AGBL4: variants seen among roughly 807,000 people sequenced by gnomAD.
AGBL4 encodes the protein cytosolic carboxypeptidase 6.
AGBL4 carries 58 observed loss-of-function variants against 66.4 expected under a neutral mutation model. The observed-to-expected ratio is 0.87, with a 90% confidence interval of 0.71 to 1.09. The LOEUF is 1.09. Ranked by LOEUF, AGBL4 falls within the 50% of genes least tolerant of loss-of-function variation. The probability of loss-of-function intolerance (pLI) is 0.00; values close to 1 mark genes in which losing one functional copy is unlikely to be tolerated. For synonymous variants in AGBL4, 234 were observed against 222.9 expected, an observed-to-expected ratio of 1.05 and a Z score of -0.44; for missense variants, 579 against 631.0, an observed-to-expected ratio of 0.92 and a Z score of 0.88.
chr1:49,303,683 C>T (rs938998118), intron 3 of AGBL4, among the ~76,000 whole-genome samples: 15 of 151,964 alleles, frequency 9.9e-5, no homozygotes, highest in Non-Finnish European at 2.1e-4. Context: ...ACCACGTTGG[C>T]AAAGCTGATC....
At chr1:49,910,678 AAAAG>A (rs1260375949) in intron 1 of AGBL4, among the ~76,000 whole-genome samples, 1 of 152,004 alleles carries the variant, frequency 6.6e-6, no homozygotes, top group East Asian at 1.9e-4. Context: ...AGAAAAAGAA[AAAAG>A]AAAGAAAACC....
At chr1:48,631,477 G>A (rs998792009) in intron 9 of AGBL4, among the ~76,000 whole-genome samples, 2 of 152,098 alleles carry the variant, frequency 1.3e-5, no homozygotes, top group African/African-American at 2.4e-5. Flanking sequence ...TGCAACCTCC[G>A]TCTCCCAGGT....
intron 4 of AGBL4, among the ~76,000 whole-genome samples, chr1:49,188,218 A>C (rs1055792191): frequency 6.6e-6 from 1 of 152,126 alleles, no homozygotes; most frequent in African/African-American, 2.4e-5. Flanking sequence ...TCATTTCTGC[A>C]GATGCTGCTC....
intron 6 of AGBL4, among the ~76,000 whole-genome samples, chr1:48,845,118 G>A (rs1450986297): frequency 2.0e-5 from 3 of 152,196 alleles, no homozygotes; most frequent in Non-Finnish European, 4.4e-5. Flanking sequence ...TGGAACAATA[G>A]TGGGGAGGGT....
In AGBL4 at chr1:49,347,717, G is replaced by A. The variant is rs529254022; in HGVS notation, c.283-101853C>T. Among the ~76,000 whole-genome samples, 126 of 151,702 alleles carry A rather than the reference G, an allele frequency of 8.3e-4. 1 individual carries two copies. The highest frequency in any genetic ancestry group is 2.8e-3 in the African/African-American group (117 of 41,422). Reference sequence around the variant, plus strand: ...TACTAAAAATACAAAAAAATTAGCCGGGCGTGGTGGCAGGCGCCTGTAGTC... The same window carrying A: ...TACTAAAAATACAAAAAAATTAGCCAGGCGTGGTGGCAGGCGCCTGTAGTC... On this transcript the variant is annotated intron_variant, in intron 3 of 13. Transcript: ENST00000371839.
chr1:48,984,144 A>C (rs1659985637), intron 5 of AGBL4, among the ~76,000 whole-genome samples: 1 of 152,062 alleles, frequency 6.6e-6, no homozygotes, highest in Non-Finnish European at 1.5e-5. Context: ...TTCACCAAAG[A>C]AAAAGCTCAG....
At chr1:49,899,335 T>C (rs1403200970) in intron 1 of AGBL4, among the ~76,000 whole-genome samples, 2 of 152,130 alleles carry the variant, frequency 1.3e-5, no homozygotes, top group Non-Finnish European at 2.9e-5. Context: ...AGGGTGATTA[T>C]AGTCAATAAT....
At chr1:48,886,506 G>A (rs890225173) in intron 5 of AGBL4, among the ~76,000 whole-genome samples, 6 of 152,068 alleles carry the variant, frequency 3.9e-5, no homozygotes, top group African/African-American at 1.2e-4. Context: ...ACACTTCTCC[G>A]GGAGCATCAT....
At chr1:49,742,175 C>A (rs980991318) in intron 2 of AGBL4, among the ~76,000 whole-genome samples, 1 of 151,512 alleles carries the variant, frequency 6.6e-6, no homozygotes, top group Admixed American at 6.6e-5. Context: ...CCAAAATCTC[C>A]TTAAGCTGAT....
intron 4 of AGBL4, among the ~76,000 whole-genome samples, chr1:49,087,468 C>A (rs1644928700): frequency 6.6e-6 from 1 of 152,120 alleles, no homozygotes; most frequent in South Asian, 2.1e-4. Flanking sequence ...GCAGAAATGA[C>A]CATGCTGAGG....
intron 5 of AGBL4, among the ~76,000 whole-genome samples, chr1:48,943,419 G>C (rs1341808490): frequency 4.6e-5 from 7 of 152,194 alleles, no homozygotes. Flanking sequence ...TACATACAAA[G>C]GTTGAGATCT....
At chr1:49,769,176 G>C (rs1006825024) in intron 2 of AGBL4, among the ~76,000 whole-genome samples, 2 of 151,794 alleles carry the variant, frequency 1.3e-5, no homozygotes, top group Admixed American at 6.6e-5. Flanking sequence ...ATATGTTCAA[G>C]CCAAGAGCCA....
intron 4 of AGBL4, among the ~76,000 whole-genome samples, chr1:49,132,441 C>G (rs144206435): frequency 1.1e-3 from 170 of 152,178 alleles, no homozygotes; most frequent in African/African-American, 3.9e-3. Flanking sequence ...AAACTTTTGA[C>G]TCTAAGTCAT....
intron 4 of AGBL4, among the ~76,000 whole-genome samples, chr1:49,108,619 T>C (rs1412132661): frequency 1.3e-5 from 2 of 152,164 alleles, no homozygotes; most frequent in East Asian, 3.8e-4. Context: ...GGAGGCCTCA[T>C]CTCTTTGCAC....
chr1:49,815,408 C>T (rs918541208), intron 2 of AGBL4, among the ~76,000 whole-genome samples: 2 of 152,110 alleles, frequency 1.3e-5, no homozygotes, highest in African/African-American at 4.8e-5. Flanking sequence ...TTTCTTTATC[C>T]ATTCATCTGT....
chr1:48,717,535 C>A (rs1182303392), intron 6 of AGBL4, among the ~76,000 whole-genome samples: 1 of 152,000 alleles, frequency 6.6e-6, no homozygotes, highest in African/African-American at 2.4e-5. Flanking sequence ...TGTGTGTGTG[C>A]GCGCGTGCAT....
At chr1:49,975,024 G>T (rs911105216) in intron 1 of AGBL4, among the ~76,000 whole-genome samples, 4 of 152,072 alleles carry the variant, frequency 2.6e-5, no homozygotes, top group Non-Finnish European at 5.9e-5. Context: ...AGATTCCAAA[G>T]ATATCAAATG....
chr1:49,797,983 G>A (rs750102546), intron 2 of AGBL4, among the ~76,000 whole-genome samples: 5 of 152,092 alleles, frequency 3.3e-5, no homozygotes, highest in Admixed American at 6.5e-5. Flanking sequence ...GGCTGGTCTC[G>A]AACTACAGAC....
At chr1:49,567,798 A>C (rs1644243930) in intron 3 of AGBL4, among the ~76,000 whole-genome samples, 1 of 152,218 alleles carries the variant, frequency 6.6e-6, no homozygotes, top group South Asian at 2.1e-4. Context: ...ACTTCAGGCA[A>C]GGTTTGGTTC....
Sources: allele counts gnomAD v4.1 joint callset (sites outside exome capture counted in the v4.1 genomes callset), GRCh38; gene constraint gnomAD v4.1.1; transcripts MANE v1.5; gene names NCBI Gene and HGNC (gene_info 2026-07-23, HGNC 2026-07-21).